The following IQCM variants were observed in gnomAD, a reference collection of about 807,000 sequenced individuals.
IQCM encodes the protein IQ motif containing M.
Under a neutral mutation model 57.6 loss-of-function variants are expected in IQCM, and 45 were observed. The ratio of observed to expected loss-of-function variants is 0.78; its 90% CI spans 0.62 to 1.00. The LOEUF is 1.00. Ranked by LOEUF, IQCM falls within the 50% of genes least tolerant of loss-of-function variation. IQCM has a pLI of 0.00. For synonymous variants in IQCM, 148 were observed against 158.9 expected (o/e 0.93, Z 0.51); for missense variants, 468 against 511.6 (o/e 0.91, Z 0.82).
intron 13 of IQCM, among the ~76,000 whole-genome samples, chr4:149,416,617 G>C (rs1733767640): frequency 6.6e-6 from 1 of 152,076 alleles, no homozygotes; most frequent in African/African-American, 2.4e-5. Context: ...TAGCAGTGGA[G>C]GACACACCTG....
intron 12 of IQCM, among the ~76,000 whole-genome samples, chr4:149,545,340 A>T (rs762736127): frequency 2.6e-5 from 4 of 152,188 alleles, no homozygotes; most frequent in Non-Finnish European, 5.9e-5. Context: ...AAAATAAATG[A>T]TAAAGATACA....
At chr4:149,369,708 G>C (rs2110973481) in intron 13 of IQCM, among the ~76,000 whole-genome samples, 1 of 152,188 alleles carries the variant, frequency 6.6e-6, no homozygotes, top group Non-Finnish European at 1.5e-5. Context: ...TGATATATGT[G>C]CACAATGAGA....
rs541679446 is a variant in IQCM, at chr4:149,603,245, T to C, written c.682-15248A>G. On this transcript the variant is annotated intron_variant, in intron 8 of 13. Transcript: ENST00000636793. ...CTGAGTTTTCTTCAAAATATAAGTATTGAAAGCATAATTTTAAAAAATCTT... is the reference window on the plus strand; with the variant it reads ...CTGAGTTTTCTTCAAAATATAAGTACTGAAAGCATAATTTTAAAAAATCTT... Among the ~76,000 whole-genome samples the C allele has an allele frequency of 4.6e-5, 7 of 152,290 alleles. No individual in the cohort carries two copies. The East Asian group carries it at 1.2e-3, about 25-fold the overall frequency.
At chr4:149,779,653 A>G (rs1442103248) in intron 2 of IQCM, among the ~76,000 whole-genome samples, 1 of 152,200 alleles carries the variant, frequency 6.6e-6, no homozygotes, top group Non-Finnish European at 1.5e-5. Flanking sequence ...AAACTGAAAA[A>G]TAAATCAGAT....
intron 13 of IQCM, among the ~76,000 whole-genome samples, chr4:149,380,202 T>C (rs1194279607): frequency 6.6e-6 from 1 of 151,946 alleles, no homozygotes; most frequent in African/African-American, 2.4e-5. Context: ...AAGAAGATCA[T>C]GCATAATGAA....
intron 7 of IQCM, among the ~76,000 whole-genome samples, chr4:149,634,634 A>G (rs548876441): frequency 9.8e-5 from 15 of 152,346 alleles, no homozygotes; most frequent in African/African-American, 3.4e-4. Context: ...CTGCAAACTT[A>G]TAACAAAAGC....
chr4:149,508,232 C>T (rs1744032583), intron 12 of IQCM, among the ~76,000 whole-genome samples: 1 of 152,026 alleles, frequency 6.6e-6, no homozygotes, highest in African/African-American at 2.4e-5. Context: ...AAACAAAGTC[C>T]CTACTGTGGC....
At chr4:149,664,936 C>T (rs935121899) in intron 7 of IQCM, among the ~76,000 whole-genome samples, 2 of 152,166 alleles carry the variant, frequency 1.3e-5, no homozygotes, top group African/African-American at 4.8e-5. Context: ...AGCTATTAGG[C>T]AGCTTCCTTA....
chr4:149,806,801 A>T (rs897088702), intron 2 of IQCM, among the ~76,000 whole-genome samples: 5 of 151,984 alleles, frequency 3.3e-5, no homozygotes, highest in African/African-American at 4.8e-5. Context: ...AAAGCAAAGG[A>T]AGGATAAACA....
At position 149,652,796 on chromosome 4, in the gene IQCM, T is replaced by A. The variant is rs73857704; in HGVS notation, c.565+29322A>T. On this transcript the variant is annotated intron_variant, in intron 7 of 13. Transcript: ENST00000636793. ...AAAAAGAAGAAAGGAAACAAAATAA[T>A]AGAAAACATGTTAAAGACATAGTTT... Among the ~76,000 whole-genome samples, 606 of 151,978 alleles carry A rather than the reference T, an allele frequency of 4.0e-3. 4 individuals are homozygous for A. Among genetic ancestry groups the A allele is most frequent in the African/African-American group, 0.013 (541 of 41,486 alleles).
chr4:149,712,977 G>C (rs1312198477), intron 5 of IQCM, among the ~76,000 whole-genome samples: 1 of 151,732 alleles, frequency 6.6e-6, no homozygotes, highest in African/African-American at 2.4e-5. Context: ...TAAAGATCCT[G>C]GCTAGCCAAG....
intron 7 of IQCM, among the ~76,000 whole-genome samples, chr4:149,671,904 G>A (rs545546349): frequency 6.6e-6 from 1 of 152,194 alleles, no homozygotes; most frequent in Admixed American, 6.5e-5. Context: ...CCAACTATGG[G>A]TGCCTCTCTG....
chr4:149,553,347 C>G, intron 10 of IQCM, 60 bp from the exon 11 acceptor site: 1 of 1,188,724 alleles, frequency 8.4e-7, no homozygotes, highest in Non-Finnish European at 1.1e-6. Context: ...TTGATTTCGC[C>G]TCTTTCATTT....
chr4:149,445,954 G>A (rs1736459536), intron 12 of IQCM, among the ~76,000 whole-genome samples: 1 of 151,660 alleles, frequency 6.6e-6, no homozygotes, highest in South Asian at 2.1e-4. Context: ...AAGAGGTTTA[G>A]ATCAGCATTA....
At chr4:149,680,020 T>C (rs1231818680) in intron 7 of IQCM, among the ~76,000 whole-genome samples, 1 of 151,466 alleles carries the variant, frequency 6.6e-6, no homozygotes, top group Non-Finnish European at 1.5e-5. Flanking sequence ...AATAAGTTGG[T>C]GGCCATAATC....
At chr4:149,809,272 A>AT (rs1485490993) in intron 2 of IQCM, among the ~76,000 whole-genome samples, 1 of 152,028 alleles carries the variant, frequency 6.6e-6, no homozygotes, top group African/African-American at 2.4e-5. Context: ...AAAGAAAAAA[A>AT]AAACAGTTGA....
intron 8 of IQCM, among the ~76,000 whole-genome samples, chr4:149,620,922 T>A (rs1756276823): frequency 6.6e-6 from 1 of 152,128 alleles, no homozygotes; most frequent in Admixed American, 6.6e-5. Context: ...GACATGCATA[T>A]TGTGGGATCG....
chr4:149,726,135 G>GAAAGAAAGAAAGA (rs1436869061), intron 5 of IQCM, among the ~76,000 whole-genome samples: 47 of 145,868 alleles, frequency 3.2e-4, no homozygotes, highest in Middle Eastern at 3.5e-3. Flanking sequence ...AAGAAAGAAA[G>GAAAGAAAGAAAGA]AAAGAAAAGA....
At chr4:149,370,887 T>A (rs754026279) in intron 13 of IQCM, among the ~76,000 whole-genome samples, 27,368 of 152,016 alleles carry the variant, frequency 0.18, 2,626 homozygotes, top group South Asian at 0.33. Context: ...TTGTTAATTC[T>A]TTATAGATAA....
Sources: allele counts gnomAD v4.1 joint callset (sites outside exome capture counted in the v4.1 genomes callset), GRCh38; gene constraint gnomAD v4.1.1; transcripts MANE v1.5; gene names NCBI Gene and HGNC (gene_info 2026-07-23, HGNC 2026-07-21).